Variants in MGAT4C observed in about 807,000 individuals in gnomAD.
MGAT4C encodes alpha-1,3-mannosyl-glycoprotein 4-beta-N-acetylglucosaminyltransferase C.
MGAT4C carries 19 observed loss-of-function variants against 40.1 expected under a neutral mutation model. The observed-to-expected ratio is 0.47, with a 90% CI of 0.33 to 0.70. The LOEUF (loss-of-function observed/expected upper bound fraction) is 0.70. MGAT4C is among the 30% of genes least tolerant of loss of function. The pLI is 0.02. For synonymous variants in MGAT4C, 181 were observed against 187.1 expected, an observed-to-expected ratio of 0.97 and a Z score of 0.27; for missense variants, 491 against 563.2, an observed-to-expected ratio of 0.87 and a Z score of 1.30.
At chr12:86,071,023 A>G (rs1868361803) in intron 1 of MGAT4C, among the ~76,000 whole-genome samples, 1 of 152,096 alleles carries the variant, frequency 6.6e-6, no homozygotes, top group South Asian at 2.1e-4. Flanking sequence ...GAAATAAGAC[A>G]GATAGTCTCA....
chr12:86,180,566 G>T (rs1309802005), intron 1 of MGAT4C, among the ~76,000 whole-genome samples: 2 of 152,178 alleles, frequency 1.3e-5, no homozygotes, highest in African/African-American at 4.8e-5. Flanking sequence ...AAGACTATGG[G>T]AACCCACCTC....
intron 2 of MGAT4C, among the ~76,000 whole-genome samples, chr12:86,481,601 A>G (rs1462033673): frequency 6.6e-6 from 1 of 152,184 alleles, no homozygotes; most frequent in East Asian, 1.9e-4. Flanking sequence ...CTACATGTCC[A>G]GCAATATGGA....
intron 2 of MGAT4C, among the ~76,000 whole-genome samples, chr12:86,492,642 T>C (rs1283851371): frequency 6.6e-6 from 1 of 152,094 alleles, no homozygotes; most frequent in African/African-American, 2.4e-5. Flanking sequence ...ATACAAAAAT[T>C]AATTCAAGAT....
At chr12:86,095,550 CATTT>C (rs2135581485) in intron 1 of MGAT4C, among the ~76,000 whole-genome samples, 1 of 151,708 alleles carries the variant, frequency 6.6e-6, no homozygotes, top group African/African-American at 2.4e-5. Flanking sequence ...GGCATGATTG[CATTT>C]TATTCTAGGG....
Position 86,324,000 on chromosome 12 carries a change from C to T in MGAT4C, c.-57+10065G>A, listed in dbSNP as rs531648502. On this transcript the variant is annotated intron_variant, in intron 4 of 7. Transcript: ENST00000548651. ...TAAGCTATTACGAATCAAAAGAAAA[C>T]TGGAAGTAAAAATGAAACTTCAATT... Among the ~76,000 whole-genome samples the T allele has an allele frequency of 2.6e-5, 4 of 151,918 alleles. No individual in the cohort carries two copies. The East Asian group carries it at 5.8e-4, about 22-fold the overall frequency.
At chr12:86,470,908 C>T (rs1957748937) in intron 2 of MGAT4C, among the ~76,000 whole-genome samples, 1 of 152,026 alleles carries the variant, frequency 6.6e-6, no homozygotes, top group Admixed American at 6.6e-5. Context: ...AGGAACAATG[C>T]TTTAAATGAC....
chr12:86,452,020 T>G (rs1957431348), intron 2 of MGAT4C, among the ~76,000 whole-genome samples: 1 of 152,082 alleles, frequency 6.6e-6, no homozygotes, highest in Non-Finnish European at 1.5e-5. Flanking sequence ...ATTCGACCCC[T>G]ATTTTCTAGT....
intron 2 of MGAT4C, among the ~76,000 whole-genome samples, chr12:86,634,963 A>G (rs1042435621): frequency 2.6e-5 from 4 of 152,162 alleles, no homozygotes; most frequent in African/African-American, 9.7e-5. Context: ...CAAGAAATCC[A>G]GGTAAAACAT....
At chr12:86,696,041 T>C (rs112431271) in intron 2 of MGAT4C, among the ~76,000 whole-genome samples, 7,293 of 151,436 alleles carry the variant, frequency 0.048, 212 homozygotes, top group Non-Finnish European at 0.062. Context: ...GAAACCCCGT[T>C]TCTACTAAAA....
intron 1 of MGAT4C, among the ~76,000 whole-genome samples, chr12:86,812,808 G>C (rs1386717875): frequency 3.3e-5 from 5 of 151,910 alleles, no homozygotes; most frequent in African/African-American, 1.2e-4. Flanking sequence ...ACCTTTACTG[G>C]GCTATCCCAG....
At chr12:86,620,201 A>G (rs1031946366) in intron 2 of MGAT4C, among the ~76,000 whole-genome samples, 4 of 152,142 alleles carry the variant, frequency 2.6e-5, no homozygotes, top group African/African-American at 9.7e-5. Flanking sequence ...TGGAAATCCC[A>G]CTGCTGGGTA....
At chr12:86,203,026 G>C (rs1033134700) in intron 1 of MGAT4C, among the ~76,000 whole-genome samples, 5 of 143,918 alleles carry the variant, frequency 3.5e-5, no homozygotes, top group Admixed American at 6.9e-5. Context: ...GTGTGTGTGT[G>C]TGTGTGTGTG....
At chr12:86,201,881 C>A (rs1337937347) in intron 1 of MGAT4C, among the ~76,000 whole-genome samples, 2 of 151,950 alleles carry the variant, frequency 1.3e-5, no homozygotes, top group Non-Finnish European at 2.9e-5. Flanking sequence ...CCACTAAATT[C>A]ATTGCTATGA....
intron 3 of MGAT4C, among the ~76,000 whole-genome samples, chr12:86,359,025 T>C (rs1366615707): frequency 3.3e-5 from 5 of 152,214 alleles, no homozygotes; most frequent in Admixed American, 6.5e-5. Flanking sequence ...AGAATATACA[T>C]TCTTCTCAGC....
intron 3 of MGAT4C, among the ~76,000 whole-genome samples, chr12:86,336,322 A>G (rs1336863921): frequency 6.6e-6 from 1 of 152,132 alleles, no homozygotes; most frequent in Non-Finnish European, 1.5e-5. Flanking sequence ...TCAGTTCAAT[A>G]TCTCCCCTTC....
chr12:86,392,623 A>G (rs896713147), intron 3 of MGAT4C, among the ~76,000 whole-genome samples: 1 of 152,206 alleles, frequency 6.6e-6, no homozygotes, highest in Non-Finnish European at 1.5e-5. Flanking sequence ...TGGCTTTTAG[A>G]GTAAGTGATA....
At chr12:86,223,095 C>G (rs993395724) in intron 1 of MGAT4C, among the ~76,000 whole-genome samples, 1 of 152,190 alleles carries the variant, frequency 6.6e-6, no homozygotes, top group East Asian at 1.9e-4. Context: ...CACCTTGCTA[C>G]TATTCTGAGA....
intron 2 of MGAT4C, among the ~76,000 whole-genome samples, chr12:86,566,107 T>C (rs967582360): frequency 6.6e-6 from 1 of 152,178 alleles, no homozygotes; most frequent in African/African-American, 2.4e-5. Flanking sequence ...CTCACCTGAA[T>C]AGACAGTTAC....
At chr12:86,103,476 C>T (rs910361020) in intron 1 of MGAT4C, among the ~76,000 whole-genome samples, 3 of 152,106 alleles carry the variant, frequency 2.0e-5, no homozygotes, top group African/African-American at 7.2e-5. Flanking sequence ...TGCCAACTAC[C>T]AGAAGCTGGA....
Sources: allele counts gnomAD v4.1 joint callset (sites outside exome capture counted in the v4.1 genomes callset), GRCh38; gene constraint gnomAD v4.1.1; transcripts MANE v1.5; gene names NCBI Gene and HGNC (gene_info 2026-07-23, HGNC 2026-07-21).